Variants in SAR1A observed in about 807,000 individuals in gnomAD.
The protein encoded by SAR1A is small COPII coat GTPase SAR1A.
A neutral mutation model predicts 22.6 loss-of-function variants in SAR1A; 6 were observed. The ratio of observed to expected loss-of-function variants is 0.27; its 90% CI spans 0.15 to 0.52. The LOEUF (loss-of-function observed/expected upper bound fraction) is 0.52, where lower values mean the gene tolerates loss of function less well. SAR1A is among the 20% of genes least tolerant of loss of function. The pLI is 0.96. For missense variants in SAR1A, 145 were observed against 245.1 expected, an observed-to-expected ratio of 0.59 and a Z score of 2.73; for synonymous variants, 70 against 82.2, an observed-to-expected ratio of 0.85 and a Z score of 0.80.
intron 1 of SAR1A, among the ~76,000 whole-genome samples, chr10:70,164,986 G>A (rs560738000): frequency 9.9e-5 from 15 of 152,276 alleles, no homozygotes; most frequent in African/African-American, 3.4e-4. Context: ...GAGTATTTTC[G>A]ATTTGCCAGT....
In SAR1A at chr10:70,150,124, G is replaced by A. The variant is rs1839309249; in HGVS notation, c.*2352C>T. Reference sequence around the variant, plus strand: ...TCTTCCTCTATGCAGGGAACTTTTGGTTGCCTCCCCAAATAAACGGCATTG... The same window carrying A: ...TCTTCCTCTATGCAGGGAACTTTTGATTGCCTCCCCAAATAAACGGCATTG... On this transcript the variant is annotated 3_prime_UTR_variant, in exon 7 of 7. Transcript: ENST00000373241. 6.6e-6 allele frequency: 1 copy of A among 151,098 alleles called. No homozygotes were observed. The highest frequency in any genetic ancestry group is 1.5e-5 in the Non-Finnish European group (1 of 67,866). 9.4% of individuals were successfully genotyped at this position (151,098 alleles called of 1,614,324 possible). A position where few individuals can be genotyped will look rare whatever the true frequency, so the allele number is the denominator to read the frequency against.
At chr10:70,154,426 C>T (rs1240469589) in intron 5 of SAR1A, among the ~76,000 whole-genome samples, 1 of 152,132 alleles carries the variant, frequency 6.6e-6, no homozygotes, top group Non-Finnish European at 1.5e-5. Context: ...GGAAGGGTAA[C>T]TATCTCAGGC....
chr10:70,162,385 GGGAAAGGGAAAA>G (rs976715012), intron 1 of SAR1A, among the ~76,000 whole-genome samples: 2 of 142,642 alleles, frequency 1.4e-5, no homozygotes, highest in Non-Finnish European at 3.0e-5. Context: ...GAAAGGGAAA[GGGAAAGGGAAAA>G]GGAAAGGGAA....
At chr10:70,166,082 C>A (rs755798613) in intron 1 of SAR1A, among the ~76,000 whole-genome samples, 7 of 152,134 alleles carry the variant, frequency 4.6e-5, no homozygotes, top group Non-Finnish European at 1.0e-4. Context: ...AAATAAGGTA[C>A]GTATTTTCTA....
intron 1 of SAR1A, chr10:70,164,043 G>A: frequency 3.7e-6 from 3 of 810,082 alleles, no homozygotes; most frequent in Non-Finnish European, 6.7e-6. Flanking sequence ...AACAGATGAA[G>A]AAGTTGATTA....
At chr10:70,161,197 A>G in intron 3 of SAR1A, 128 bp from the exon 4 acceptor site, 2 of 682,874 alleles carry the variant, frequency 2.9e-6, no homozygotes, top group Non-Finnish European at 4.8e-6. Flanking sequence ...GTGTGGTGGT[A>G]CCCGCCTGTA....
rs3812693 is a variant in SAR1A at position 70,170,487 on chromosome 10, G to T, written c.-91C>A. On this transcript the variant is annotated 5_prime_UTR_variant, in exon 1 of 7. Coordinates refer to ENST00000373241, the MANE Select transcript of SAR1A (RefSeq NM_020150.5). ...CAGAGCACACTAACCAGCAGCACCCGGGACCGCCAGCTACTCGCCGGATGT... is the reference window on the plus strand; with the variant it reads ...CAGAGCACACTAACCAGCAGCACCCTGGACCGCCAGCTACTCGCCGGATGT... The T allele has an allele frequency of 0.026, 3,977 of 152,726 alleles. 108 individuals are homozygous for T. Among genetic ancestry groups the T allele is most frequent in the East Asian group, 0.15 (756 of 5,164 alleles). 9.5% of individuals were successfully genotyped at this position (152,726 alleles called of 1,614,324 possible).
At chr10:70,158,474 C>T (rs150175006) in intron 4 of SAR1A, among the ~76,000 whole-genome samples, 1 of 152,322 alleles carries the variant, frequency 6.6e-6, no homozygotes, top group East Asian at 1.9e-4. Context: ...TTTAACCCAG[C>T]ATGCCTTATA....
At chr10:70,154,508 TTTC>T (rs1483506333) in intron 5 of SAR1A, among the ~76,000 whole-genome samples, 12 of 123,296 alleles carry the variant, frequency 9.7e-5, no homozygotes, top group South Asian at 7.2e-4. Context: ...TTATGTTTTT[TTTC>T]TTTTTTCTTA....
In SAR1A at chr10:70,152,017, AG is replaced by A. The variant is rs1839331940; in HGVS notation, c.*458del. On this transcript the variant is annotated 3_prime_UTR_variant, in exon 7 of 7. Transcript: ENST00000373241. ...TCCATATCTGTTCATAATTTTATGA[AG>A]TATCTAAATGTCATTCATTAGTTTA... is the stretch of plus-strand genomic sequence containing the variant. The A allele has an allele frequency of 1.0e-5, 2 of 195,796 alleles. No homozygotes were observed. The highest frequency in any genetic ancestry group is 4.7e-5 in the African/African-American group (2 of 42,386). The allele number at this position is 195,796 out of a possible 1,614,324, so 12.1% of individuals were successfully genotyped here.
At chr10:70,161,327 A>G (rs1839465506) in intron 3 of SAR1A, 5 of 552,592 alleles carry the variant, frequency 9.0e-6, no homozygotes, top group South Asian at 2.5e-5. Flanking sequence ...AAATGTTCTT[A>G]AACTATTCTA....
intron 5 of SAR1A, among the ~76,000 whole-genome samples, chr10:70,156,671 T>TAA (rs34673042): frequency 2.2e-5 from 3 of 135,998 alleles, no homozygotes; most frequent in Non-Finnish European, 1.6e-5. Flanking sequence ...AGATTCTGTT[T>TAA]AAAAAAAAAA....
At chr10:70,153,155 A>G (rs1454885357) in intron 6 of SAR1A, among the ~76,000 whole-genome samples, 1 of 152,234 alleles carries the variant, frequency 6.6e-6, no homozygotes, top group Non-Finnish European at 1.5e-5. Flanking sequence ...GAAAAGGAAG[A>G]TATTTAAAAA....
At chr10:70,166,083 G>A (rs777574356) in intron 1 of SAR1A, among the ~76,000 whole-genome samples, 6 of 152,226 alleles carry the variant, frequency 3.9e-5, no homozygotes, top group Admixed American at 6.5e-5. Context: ...AATAAGGTAC[G>A]TATTTTCTAA....
intron 1 of SAR1A, 80 bp from the exon 2 acceptor site, chr10:70,162,011 G>C: frequency 1.0e-6 from 1 of 1,000,070 alleles, no homozygotes; most frequent in Non-Finnish European, 1.5e-6. Context: ...TTGTTCCCTA[G>C]CCATGATGCA....
At chr10:70,167,041 G>C (rs1839563853) in intron 1 of SAR1A, among the ~76,000 whole-genome samples, 2 of 152,006 alleles carry the variant, frequency 1.3e-5, no homozygotes, top group South Asian at 4.1e-4. Flanking sequence ...TCAGGATATA[G>C]CAGTAAGTTC....
chr10:70,156,705 G>C (rs9971029), intron 5 of SAR1A, among the ~76,000 whole-genome samples: 1 of 150,588 alleles, frequency 6.6e-6, no homozygotes, highest in Admixed American at 6.6e-5. Flanking sequence ...TAAAGACTGC[G>C]TGGCAGGCAA....
rs950662460 is a variant in SAR1A, at chr10:70,163,709, C to T, written c.-16-1778G>A. On this transcript the variant is annotated intron_variant, in intron 1 of 6. Coordinates refer to ENST00000373241, the MANE Select transcript of SAR1A (RefSeq NM_020150.5). ...CATGGCTGACCAACTGACTGAGGAG[C>T]AGATTGTAGAATTCAAAGAAGTTTT... 1.0e-5 allele frequency: 8 copies of T among 791,618 alleles called. No homozygotes were observed. The Admixed American group carries it at 1.1e-4, about 11-fold the overall frequency. The allele number at this position is 791,618 out of a possible 1,614,324, so 49.0% of individuals were successfully genotyped here. A position where few individuals can be genotyped will look rare whatever the true frequency, so the allele number is the denominator to read the frequency against.
intron 3 of SAR1A, chr10:70,161,317 A>C (rs1179077432): frequency 3.6e-6 from 2 of 551,688 alleles, no homozygotes. Context: ...TACAAGGGTG[A>C]AATGTTCTTA....
Sources: allele counts gnomAD v4.1 joint callset (sites outside exome capture counted in the v4.1 genomes callset), GRCh38; gene constraint gnomAD v4.1.1; transcripts MANE v1.5; gene names NCBI Gene and HGNC (gene_info 2026-07-23, HGNC 2026-07-21).